The following SACS variants were observed in gnomAD, a reference collection of about 807,000 sequenced individuals.
The protein encoded by SACS is sacsin molecular chaperone.
A neutral mutation model predicts 348.0 loss-of-function variants in SACS; 197 were observed. That is an observed-to-expected ratio of 0.57 (90% CI 0.50 to 0.64). The LOEUF (loss-of-function observed/expected upper bound fraction) is 0.64, where lower values mean the gene tolerates loss of function less well. SACS is among the 30% of genes least tolerant of loss of function. The probability of loss-of-function intolerance (pLI) is 0.00; values close to 1 mark genes in which losing one functional copy is unlikely to be tolerated. For missense variants in SACS, 4,999 were observed against 5,360.8 expected, an observed-to-expected ratio of 0.93 and a Z score of 2.11; for synonymous variants, 1,985 against 1,910.6, an observed-to-expected ratio of 1.04 and a Z score of -1.02.
Position 23,355,399 on chromosome 13 carries a change from T to G in SACS, c.1213A>C (p.Ser405Arg). Residue 405 changes from serine to arginine, a missense_variant, in exon 8 of 10, where the codon AGT becomes CGT. Around this residue, in one of 6 missense-constraint regions of SACS, gnomAD observed 3,156 missense variants for 3,380.1 expected, o/e 0.93. Coordinates refer to ENST00000382292, the MANE Select transcript of SACS (RefSeq NM_014363.6). ...CNSVGGRGIS[S>R]KLDSLADELK... ...TCATCAGCTAAAGAGTCAAGCTTAC[T>G]ACTGATCCCTCGCCCACCCACACTG... is the stretch of plus-strand genomic sequence containing the variant. 1 of 1,614,180 alleles carries G rather than the reference T, an allele frequency of 6.2e-7. No homozygotes were observed. Among genetic ancestry groups the G allele is most frequent in the African/African-American group, 1.3e-5 (1 of 75,046 alleles).
intron 1 of SACS, among the ~76,000 whole-genome samples, chr13:23,431,011 A>G (rs1333106956): frequency 6.6e-6 from 1 of 152,190 alleles, no homozygotes; most frequent in African/African-American, 2.4e-5. Flanking sequence ...CTTACCATCT[A>G]GTCAGTCTCT....
Position 23,328,927 on chromosome 13 carries a change from G to T in SACS, c.*1209C>A, listed in dbSNP as rs1274127474. 2 of 152,646 alleles carry T rather than the reference G, an allele frequency of 1.3e-5. No individual in the cohort carries two copies. The highest frequency in any genetic ancestry group is 2.9e-5 in the Non-Finnish European group (2 of 68,100). The allele number at this position is 152,646 out of a possible 1,614,324, so 9.5% of individuals were successfully genotyped here. ...CATCCAGAAGCAATAAAATGTGGAG[G>T]TGCAAACATTCCTTATTCCCAATAA... On this transcript the variant is annotated 3_prime_UTR_variant, in exon 10 of 10. Coordinates refer to ENST00000382292, the MANE Select transcript of SACS (RefSeq NM_014363.6).
chr13:23,396,763 G>A (rs1203864387), intron 2 of SACS, among the ~76,000 whole-genome samples: 1 of 152,110 alleles, frequency 6.6e-6, no homozygotes, highest in African/African-American at 2.4e-5. Context: ...TAACAGTTAA[G>A]TTAACTTAAA....
At chr13:23,365,108 A>G in intron 6 of SACS, 58 bp downstream of exon 6, 1 of 1,099,652 alleles carries the variant, frequency 9.1e-7, no homozygotes, top group Non-Finnish European at 1.4e-6. Flanking sequence ...ATTATTAATC[A>G]TTAAAAACTG....
intron 1 of SACS, among the ~76,000 whole-genome samples, chr13:23,418,520 T>TA (rs1873776756): frequency 2.6e-5 from 4 of 152,108 alleles, no homozygotes. Flanking sequence ...TTCTTTTTTT[T>TA]ACCTTACATG....
chr13:23,364,053 C>T (rs1870912154), intron 6 of SACS, among the ~76,000 whole-genome samples: 1 of 152,154 alleles, frequency 6.6e-6, no homozygotes. Flanking sequence ...AGAACGCACA[C>T]CTCCTGATGT....
intron 9 of SACS, among the ~76,000 whole-genome samples, chr13:23,344,062 TGTGA>T (rs1205139566): frequency 2.6e-5 from 4 of 152,202 alleles, no homozygotes; most frequent in African/African-American, 9.6e-5. Context: ...CTGTTTGATC[TGTGA>T]GTCTTATTGA....
Position 23,400,611 on chromosome 13 carries a change from A to G in SACS, c.20+10609T>C, listed in dbSNP as rs1218123250. On this transcript the variant is annotated intron_variant, in intron 2 of 9. Transcript: ENST00000382292. ...AATTTTTTGTATTTTTAGTAGAGACACGGTTTCACCGTGTTAGCCAGGATG... is the reference window on the plus strand; with the variant it reads ...AATTTTTTGTATTTTTAGTAGAGACGCGGTTTCACCGTGTTAGCCAGGATG... 7.2e-5 allele frequency among the ~76,000 whole-genome samples: 11 copies of G among 152,126 alleles called. No homozygotes were observed. The South Asian group carries it at 1.0e-3, about 14-fold the overall frequency.
rs940589397 is a variant in SACS at position 23,344,484 on chromosome 13, A to T, written c.2186-2794T>A. 2.6e-5 allele frequency among the ~76,000 whole-genome samples: 4 copies of T among 152,364 alleles called. No homozygotes were observed. The South Asian group carries it at 8.3e-4, about 32-fold the overall frequency. On this transcript the variant is annotated intron_variant, in intron 9 of 9. Transcript: ENST00000382292. Reference sequence around the variant, plus strand: ...AGAAAATAAAGGAGAGAGAAAATGTAGTAAGACACCGGTATACGTAAATTA... The same window carrying T: ...AGAAAATAAAGGAGAGAGAAAATGTTGTAAGACACCGGTATACGTAAATTA...
chr13:23,398,587 C>T (rs1872810882), intron 2 of SACS, among the ~76,000 whole-genome samples: 1 of 149,616 alleles, frequency 6.7e-6, no homozygotes, highest in African/African-American at 2.4e-5. Context: ...GGTGGAACAA[C>T]TCAAAGCAGG....
In SACS at chr13:23,339,549, G is replaced by A. The variant is rs1868999949; in HGVS notation, c.4327C>T (p.Leu1443=). The A allele has an allele frequency of 1.2e-6, 2 of 1,613,168 alleles. No individual in the cohort carries two copies. The highest frequency in any genetic ancestry group is 2.2e-5 in the South Asian group (2 of 91,048). Residue 1443 remains leucine, a synonymous_variant, in exon 10 of 10, where the codon CTG becomes TTG. Transcript: ENST00000382292. The stretch of plus-strand genomic sequence containing the variant: ...AATCCCATGTTTTCAGGATTTATCA[G>A]TCTTGTACTAAGGCATGGAACTTTT... ...WLKVPCLSTR[L]INPENMGFEQ... is the part of the protein sequence containing the mutation.
At chr13:23,396,077 A>C (rs1440313368) in intron 2 of SACS, among the ~76,000 whole-genome samples, 1 of 152,160 alleles carries the variant, frequency 6.6e-6, no homozygotes, top group Non-Finnish European at 1.5e-5. Flanking sequence ...TAATCCCAGC[A>C]CTTTGGGAGG....
At chr13:23,405,455 T>C (rs2137942238) in intron 2 of SACS, among the ~76,000 whole-genome samples, 1 of 152,240 alleles carries the variant, frequency 6.6e-6, no homozygotes, top group Middle Eastern at 3.4e-3. Context: ...ATAAAAATCC[T>C]AGAATACCTA....
In SACS at chr13:23,375,173, G is replaced by A. The variant is rs1274730877; in HGVS notation, c.117C>T (p.Phe39=). Reference sequence around the variant, plus strand: ...CCGACACCGGGAAGCCAGTCTCCGCGAAGATACGTTCCTTCACATCGCGCA... The same window carrying A: ...CCGACACCGGGAAGCCAGTCTCCGCAAAGATACGTTCCTTCACATCGCGCA... ...WTVRDVKERI[F]AETGFPVSEQ... Residue 39 remains phenylalanine, a synonymous_variant, in exon 3 of 10, where the codon TTC becomes TTT. Coordinates refer to ENST00000382292, the MANE Select transcript of SACS (RefSeq NM_014363.6). The A allele has an allele frequency of 6.0e-6, 9 of 1,505,524 alleles. No homozygotes were observed. The highest frequency in any genetic ancestry group is 1.7e-4 in the Middle Eastern group (1 of 5,890). The allele number at this position is 1,505,524 out of a possible 1,614,324, so 93.3% of individuals were successfully genotyped here.
intron 1 of SACS, among the ~76,000 whole-genome samples, chr13:23,425,811 C>G (rs1434022000): frequency 6.6e-6 from 1 of 152,116 alleles, no homozygotes; most frequent in East Asian, 1.9e-4. Context: ...GGAGTGGGCT[C>G]GTGCCTATGA....
intron 4 of SACS, among the ~76,000 whole-genome samples, chr13:23,369,176 C>G (rs1871237145): frequency 6.6e-6 from 1 of 152,188 alleles, no homozygotes; most frequent in Non-Finnish European, 1.5e-5. Flanking sequence ...AAGCCAGAGA[C>G]AGAGGTGCCT....
chr13:23,417,149 G>C (rs1873720393), intron 1 of SACS, among the ~76,000 whole-genome samples: 1 of 152,034 alleles, frequency 6.6e-6, no homozygotes, highest in Non-Finnish European at 1.5e-5. Flanking sequence ...AACTTACATA[G>C]GAATTTTAAG....
intron 9 of SACS, among the ~76,000 whole-genome samples, chr13:23,351,135 A>C (rs545904428): frequency 6.6e-6 from 1 of 152,352 alleles, no homozygotes; most frequent in African/African-American, 2.4e-5. Context: ...AACTCAGGAA[A>C]GGAAAGCAAG....
At chr13:23,423,407 A>G (rs920510476) in intron 1 of SACS, among the ~76,000 whole-genome samples, 2 of 152,152 alleles carry the variant, frequency 1.3e-5, no homozygotes, top group African/African-American at 2.4e-5. Context: ...ATGTATGAAT[A>G]TACAACTATC....
Sources: allele counts gnomAD v4.1 joint callset (sites outside exome capture counted in the v4.1 genomes callset), GRCh38; gene constraint gnomAD v4.1.1; regional missense constraint gnomAD v4.1.1; transcripts MANE v1.5; gene names NCBI Gene and HGNC (gene_info 2026-07-23, HGNC 2026-07-21).